The following FUT8 variants were observed in gnomAD, a reference collection of about 807,000 sequenced individuals.
The protein encoded by FUT8 is alpha-(1,6)-fucosyltransferase.
In FUT8, 29 loss-of-function variants were observed where a neutral mutation model predicts 71.3. The observed-to-expected ratio is 0.41, with a 90% CI of 0.30 to 0.55. FUT8 has a LOEUF of 0.55. Ranked by LOEUF, FUT8 falls within the 20% of genes least tolerant of loss-of-function variation. FUT8 has a pLI of 0.34. For missense variants in FUT8, 544 were observed against 702.1 expected (o/e 0.77, Z 2.55); for synonymous variants, 254 against 239.3 (o/e 1.06, Z -0.57).
chr14:65,401,315 A>G, the FUT8 span, among the ~76,000 whole-genome samples: 9 of 152,310 alleles, frequency 5.9e-5, no homozygotes, highest in Admixed American at 3.9e-4. Context: ...GGTACCAAAG[A>G]TGTCAGCCAG....
chr14:65,726,539 A>C (rs1364561836), intron 9 of FUT8, among the ~76,000 whole-genome samples: 1 of 152,194 alleles, frequency 6.6e-6, no homozygotes, highest in Non-Finnish European at 1.5e-5. Context: ...TTGTGAGACT[A>C]TTCGCTATCA....
At chr14:65,597,957 G>A (rs1463058867) in intron 3 of FUT8, among the ~76,000 whole-genome samples, 2 of 152,064 alleles carry the variant, frequency 1.3e-5, no homozygotes, top group South Asian at 2.1e-4. Flanking sequence ...TTGCTTGAGC[G>A]CAGGAGTTGG....
At chr14:65,519,770 A>G (rs1461723777) in intron 2 of FUT8, among the ~76,000 whole-genome samples, 1 of 152,038 alleles carries the variant, frequency 6.6e-6, no homozygotes, top group Non-Finnish European at 1.5e-5. Flanking sequence ...TTTATTATTT[A>G]TTATTCATTT....
chr14:65,368,050 CTTTTTTTT>C, the FUT8 span, among the ~76,000 whole-genome samples: 23 of 85,820 alleles, frequency 2.7e-4, no homozygotes, highest in Middle Eastern at 7.2e-3. Context: ...GGCAAAATTA[CTTTTTTTT>C]TTTTTTTTTT....
intron 3 of FUT8, among the ~76,000 whole-genome samples, chr14:65,588,430 A>G (rs1887505969): frequency 1.3e-5 from 2 of 152,298 alleles, no homozygotes; most frequent in South Asian, 4.1e-4. Context: ...ATACCAAATT[A>G]TCGCTGTTAT....
chr14:65,506,497 C>T (rs941345938), intron 2 of FUT8, among the ~76,000 whole-genome samples: 1 of 151,898 alleles, frequency 6.6e-6, no homozygotes, highest in Non-Finnish European at 1.5e-5. Flanking sequence ...TTTTTATTTC[C>T]TTAGGAAGAA....
chr14:65,545,673 T>C (rs1241383739), intron 2 of FUT8, among the ~76,000 whole-genome samples: 6 of 151,814 alleles, frequency 4.0e-5, no homozygotes, highest in African/African-American at 1.4e-4. Flanking sequence ...TTGATAACTC[T>C]TATAACTGCA....
chr14:65,633,176 G>A (rs1440037316), intron 6 of FUT8, among the ~76,000 whole-genome samples: 47 of 147,390 alleles, frequency 3.2e-4, no homozygotes, highest in East Asian at 1.2e-3. Context: ...GCGCCGCCAC[G>A]CCTGACTGGT....
chr14:65,439,938 A>ATGTGTGTGTGTG lies in FUT8; in HGVS notation c.-325-15677_-325-15666dup, dbSNP rs543440132. ...ATCAACACATGAATGGATAAAGAAA[A>ATGTGTGTGTGTG]TGTGTGTGTGTGTGTGTATATATAT... On this transcript the variant is annotated intron_variant, in intron 1 of 10. Transcript: ENST00000673929. Among the ~76,000 whole-genome samples, 101 of 74,144 alleles carry ATGTGTGTGTGTG rather than the reference A, an allele frequency of 1.4e-3. 1 individual carries two copies. The highest frequency in any genetic ancestry group is 4.2e-3 in the African/African-American group (95 of 22,360). The allele number at this position is 74,144 out of a possible 152,430, so 48.6% of individuals were successfully genotyped here.
intron 3 of FUT8, among the ~76,000 whole-genome samples, chr14:65,586,597 G>A (rs1280779140): frequency 6.6e-6 from 1 of 152,032 alleles, no homozygotes; most frequent in Admixed American, 6.5e-5. Flanking sequence ...ATTTGGAGTT[G>A]GAAGTATTTT....
chr14:65,473,748 C>T (rs534927891), intron 2 of FUT8, among the ~76,000 whole-genome samples: 1 of 152,270 alleles, frequency 6.6e-6, no homozygotes, highest in Non-Finnish European at 1.5e-5. Context: ...CTGCATTCTT[C>T]TGACTTCTCC....
chr14:65,650,160 G>A lies in FUT8; in HGVS notation c.598-19083G>A, dbSNP rs774634627. On this transcript the variant is annotated intron_variant, in intron 6 of 10. Coordinates refer to ENST00000673929, the MANE Select transcript of FUT8 (RefSeq NM_001371533.1). Reference sequence around the variant, plus strand: ...AAATACAAAAAAAAATTAGCCGGGCGTGGTGGCACGCGCCTGTAATCCCAG... The same window carrying A: ...AAATACAAAAAAAAATTAGCCGGGCATGGTGGCACGCGCCTGTAATCCCAG... Among the ~76,000 whole-genome samples the A allele has an allele frequency of 2.6e-4, 40 of 151,986 alleles. No homozygotes were observed. The South Asian group carries it at 2.7e-3, about 10-fold the overall frequency.
intron 2 of FUT8, among the ~76,000 whole-genome samples, chr14:65,560,805 C>G (rs532037942): frequency 6.6e-6 from 1 of 152,248 alleles, no homozygotes; most frequent in South Asian, 2.1e-4. Flanking sequence ...GGCTAATATG[C>G]ATGTCAGTTT....
Position 65,611,270 on chromosome 14 carries a change from CACACACACACACACACACACACACACACA to C in FUT8, c.204-4707_204-4679del, listed in dbSNP as rs1398087249. Among the ~76,000 whole-genome samples, 26 of 69,426 alleles carry C rather than the reference CACACACACACACACACACACACACACACA, an allele frequency of 3.7e-4. 2 individuals carry two copies. The highest frequency in any genetic ancestry group is 5.1e-4 in the African/African-American group (6 of 11,734). 45.5% of individuals were successfully genotyped at this position (69,426 alleles called of 152,430 possible). On this transcript the variant is annotated intron_variant, in intron 3 of 10. Coordinates refer to ENST00000673929, the MANE Select transcript of FUT8 (RefSeq NM_001371533.1). ...ACACACACACACACACACACACACACACACACACACACACACACACACACACACACACCCCCCAAGTAATAGCCTTGATT... is the reference window on the plus strand; with the variant it reads ...ACACACACACACACACACACACACACCACCCCCCAAGTAATAGCCTTGATT...
intron 6 of FUT8, among the ~76,000 whole-genome samples, chr14:65,659,310 G>A (rs767421274): frequency 6.6e-5 from 10 of 152,042 alleles, no homozygotes; most frequent in South Asian, 2.1e-4. Context: ...CAAAGACTCC[G>A]TCTTCGAGAA....
the FUT8 span, among the ~76,000 whole-genome samples, chr14:65,363,075 T>C: frequency 1.3e-5 from 2 of 151,024 alleles, no homozygotes; most frequent in South Asian, 2.1e-4. Flanking sequence ...CCTTAGCATA[T>C]TGGATATTTT....
the FUT8 span, among the ~76,000 whole-genome samples, chr14:65,366,222 G>C: frequency 6.6e-6 from 1 of 152,132 alleles, no homozygotes; most frequent in African/African-American, 2.4e-5. Context: ...AGCCGAATGA[G>C]AAAATTTAAG....
intron 6 of FUT8, among the ~76,000 whole-genome samples, chr14:65,655,694 G>C (rs1415727826): frequency 1.3e-5 from 2 of 152,140 alleles, no homozygotes; most frequent in African/African-American, 4.8e-5. Flanking sequence ...TATAGTTGGA[G>C]ACTTTAATAT....
the FUT8 span, among the ~76,000 whole-genome samples, chr14:65,390,508 A>C: frequency 6.6e-6 from 1 of 151,840 alleles, no homozygotes; most frequent in East Asian, 1.9e-4. Flanking sequence ...TCTAGTTTTC[A>C]AAAAATGCAG....
Sources: allele counts gnomAD v4.1 joint callset (sites outside exome capture counted in the v4.1 genomes callset), GRCh38; gene constraint gnomAD v4.1.1; transcripts MANE v1.5; gene names NCBI Gene and HGNC (gene_info 2026-07-23, HGNC 2026-07-21).